Variants in FRMD6 observed in about 807,000 individuals in gnomAD.
The protein encoded by FRMD6 is FERM domain containing 6.
FRMD6 carries 37 observed loss-of-function variants against 73.2 expected under a neutral mutation model. That is an observed-to-expected ratio of 0.51 (90% CI 0.39 to 0.66). The LOEUF (loss-of-function observed/expected upper bound fraction) is 0.66, where lower values mean the gene tolerates loss of function less well. Among genes scored for constraint, FRMD6 ranks in the 30% least tolerant of loss-of-function variants. The probability of loss-of-function intolerance (pLI) is 0.00; values close to 1 mark genes in which losing one functional copy is unlikely to be tolerated. For missense variants in FRMD6, 714 were observed against 780.5 expected, an observed-to-expected ratio of 0.91 and a Z score of 1.02; for synonymous variants, 273 against 282.2, an observed-to-expected ratio of 0.97 and a Z score of 0.33.
chr14:51,566,763 A>T (rs560730027), intron 1 of FRMD6, among the ~76,000 whole-genome samples: 1 of 152,262 alleles, frequency 6.6e-6, no homozygotes, highest in Non-Finnish European at 1.5e-5. Context: ...CAAAAGTTAA[A>T]CTATTTGTAT....
chr14:51,663,245 C>T (rs1248270963), intron 1 of FRMD6, among the ~76,000 whole-genome samples: 1 of 152,186 alleles, frequency 6.6e-6, no homozygotes, highest in Non-Finnish European at 1.5e-5. Context: ...TACAGTTAGA[C>T]TCAGCAATCC....
At chr14:51,620,926 A>C (rs977202854) in intron 2 of FRMD6, among the ~76,000 whole-genome samples, 2 of 152,196 alleles carry the variant, frequency 1.3e-5, no homozygotes, top group African/African-American at 2.4e-5. Flanking sequence ...GTTCCCAGAG[A>C]CAGTTCTCAA....
intron 1 of FRMD6, among the ~76,000 whole-genome samples, chr14:51,536,592 A>T (rs4901132): frequency 0.37 from 55,781 of 151,380 alleles, 10,873 homozygotes; most frequent in African/African-American, 0.51. Flanking sequence ...TAATTTTTGT[A>T]TTTTAATAGA....
intron 1 of FRMD6, among the ~76,000 whole-genome samples, chr14:51,501,079 C>G (rs928329920): frequency 1.3e-5 from 2 of 152,152 alleles, no homozygotes; most frequent in African/African-American, 4.8e-5. Flanking sequence ...TACTCCAAAA[C>G]TCTAACAATT....
chr14:51,552,403 A>G (rs764505739), intron 1 of FRMD6, among the ~76,000 whole-genome samples: 1 of 152,242 alleles, frequency 6.6e-6, no homozygotes, highest in Non-Finnish European at 1.5e-5. Flanking sequence ...AAACAGTTAC[A>G]AGAGGGACGA....
intron 2 of FRMD6, among the ~76,000 whole-genome samples, chr14:51,585,961 A>ATATATATATATATATATATATAT (rs1555324347): frequency 1.3e-3 from 74 of 56,270 alleles, no homozygotes; most frequent in Non-Finnish European, 2.1e-3. Flanking sequence ...ATATATATAT[A>ATATATATATATATATATATATAT]ACATTTTCTT....
At chr14:51,577,155 T>G (rs1051336252) in intron 2 of FRMD6, among the ~76,000 whole-genome samples, 11 of 152,066 alleles carry the variant, frequency 7.2e-5, no homozygotes, top group African/African-American at 2.4e-4. Flanking sequence ...TGCAAGGCAG[T>G]CACATCTGCC....
chr14:51,511,935 T>C (rs950890062), intron 1 of FRMD6, among the ~76,000 whole-genome samples: 3 of 151,854 alleles, frequency 2.0e-5, no homozygotes, highest in Non-Finnish European at 2.9e-5. Context: ...ACAACAGAGC[T>C]AGGGTTAATA....
intron 1 of FRMD6, among the ~76,000 whole-genome samples, chr14:51,553,615 G>C (rs1289579515): frequency 1.3e-5 from 2 of 152,028 alleles, no homozygotes; most frequent in Admixed American, 1.3e-4. Flanking sequence ...GGAGCTAAAA[G>C]GTGCATCAGA....
chr14:51,408,266 C>T, the FRMD6 span, among the ~76,000 whole-genome samples: 1 of 151,848 alleles, frequency 6.6e-6, no homozygotes, highest in African/African-American at 2.4e-5. Flanking sequence ...CTCGGGTGAT[C>T]CTCTCACCTC....
chr14:51,506,217 C>A (rs1883954041), intron 1 of FRMD6, among the ~76,000 whole-genome samples: 1 of 152,182 alleles, frequency 6.6e-6, no homozygotes. Flanking sequence ...GCAAAGCTCT[C>A]ACCATTCCAT....
At chr14:51,580,455 T>C (rs1164616331) in intron 2 of FRMD6, among the ~76,000 whole-genome samples, 1 of 152,184 alleles carries the variant, frequency 6.6e-6, no homozygotes, top group Admixed American at 6.5e-5. Flanking sequence ...GGGTAGGAGC[T>C]CTTATTATTC....
At chr14:51,622,788 C>T (rs1174599491) in intron 2 of FRMD6, among the ~76,000 whole-genome samples, 1 of 152,158 alleles carries the variant, frequency 6.6e-6, no homozygotes, top group African/African-American at 2.4e-5. Flanking sequence ...TTTTTTGAGA[C>T]AGGGTCTTAC....
At chr14:51,415,430 G>C in the FRMD6 span, among the ~76,000 whole-genome samples, 1 of 152,134 alleles carries the variant, frequency 6.6e-6, no homozygotes, top group East Asian at 1.9e-4. Flanking sequence ...TTTGTCGCTG[G>C]TTCTGTTTAT....
rs1242079887 is a variant in FRMD6, at chr14:51,684,757, G to A, written c.-146-4934G>A. ...AAAGAATATTTGGCCCAAAATGTCA[G>A]TAGTGGCAAGTTTAAAAAACCCTTC... On this transcript the variant is annotated intron_variant, in intron 1 of 13. Transcript: ENST00000344768. 9.9e-5 allele frequency among the ~76,000 whole-genome samples: 15 copies of A among 152,258 alleles called. No individual in the cohort carries two copies. In the South Asian group the frequency reaches 1.0e-3, roughly 11 times the overall value.
At chr14:51,473,555 G>A in the FRMD6 span, among the ~76,000 whole-genome samples, 1 of 152,206 alleles carries the variant, frequency 6.6e-6, no homozygotes, top group Non-Finnish European at 1.5e-5. Context: ...AATTTGAACA[G>A]ATTGAAACTA....
intron 1 of FRMD6, among the ~76,000 whole-genome samples, chr14:51,509,487 A>G (rs925141648): frequency 6.6e-6 from 1 of 151,760 alleles, no homozygotes; most frequent in Admixed American, 6.6e-5. Context: ...AGATTGCGCC[A>G]CTACACTCCA....
At chr14:51,553,794 C>T (rs975673783) in intron 1 of FRMD6, among the ~76,000 whole-genome samples, 10 of 152,048 alleles carry the variant, frequency 6.6e-5, no homozygotes, top group African/African-American at 1.9e-4. Flanking sequence ...TAAGAGAAGA[C>T]GGTGGAGTTT....
chr14:51,610,493 T>C (rs1354692605), intron 2 of FRMD6, among the ~76,000 whole-genome samples: 1 of 152,030 alleles, frequency 6.6e-6, no homozygotes, highest in East Asian at 1.9e-4. Flanking sequence ...AAAACAAATA[T>C]TAGAAACCGA....
Sources: gnomAD v4.1 joint callset for allele counts (sites outside exome capture counted in the v4.1 genomes callset) on GRCh38, gnomAD v4.1.1 for gene constraint, MANE v1.5 for transcripts, NCBI Gene and HGNC (gene_info 2026-07-23, HGNC 2026-07-21) for gene names.